ATP11C: variants seen among roughly 807,000 people sequenced by gnomAD.
ATP11C encodes phospholipid-transporting ATPase IG.
Under a neutral mutation model 97.4 loss-of-function variants are expected in ATP11C, and 36 were observed. The observed-to-expected ratio is 0.37, with a 90% confidence interval of 0.28 to 0.49. The LOEUF (loss-of-function observed/expected upper bound fraction) is 0.49. Ranked by LOEUF, ATP11C falls within the 20% of genes least tolerant of loss-of-function variation. The probability of loss-of-function intolerance (pLI) is 0.98; values close to 1 mark genes in which losing one functional copy is unlikely to be tolerated. For missense variants in ATP11C, 730 were observed against 824.6 expected, an observed-to-expected ratio of 0.89 and a Z score of 1.40; for synonymous variants, 275 against 290.9, an observed-to-expected ratio of 0.95 and a Z score of 0.56.
At chrX:139,852,575 G>A (rs1172014942) in intron 1 of ATP11C, among the ~76,000 whole-genome samples, 1 of 103,913 alleles carries the variant, frequency 9.6e-6, no homozygotes, top group African/African-American at 3.5e-5. Flanking sequence ...GAGCCGTAAA[G>A]TACTTCCTTG....
At chrX:139,839,997 C>A (rs2083804128) in intron 1 of ATP11C, among the ~76,000 whole-genome samples, 1 of 111,497 alleles carries the variant, frequency 9.0e-6, no homozygotes, top group Non-Finnish European at 1.9e-5. Context: ...ATAATTTTAT[C>A]ATTAACCCTT....
intron 1 of ATP11C, among the ~76,000 whole-genome samples, chrX:139,927,667 T>C (rs2085372952): frequency 9.1e-6 from 1 of 109,824 alleles, no homozygotes; most frequent in South Asian, 3.9e-4. Flanking sequence ...GCCGGGCTCA[T>C]GCAGATGGCA....
chrX:139,738,883 A>G (rs2081499437), intron 27 of ATP11C, among the ~76,000 whole-genome samples: 1 of 111,023 alleles, frequency 9.0e-6, no homozygotes, highest in African/African-American at 3.3e-5. Context: ...CCCTAGGATT[A>G]AAGAGCTCCA....
intron 19 of ATP11C, among the ~76,000 whole-genome samples, chrX:139,769,311 TATATATATATATATA>T (rs2082206231): frequency 2.6e-5 from 2 of 76,355 alleles, no homozygotes; most frequent in African/African-American, 5.3e-5. Context: ...TATATATATA[TATATATATATATATA>T]TTCTTTAAAT....
intron 1 of ATP11C, among the ~76,000 whole-genome samples, chrX:139,908,833 T>A (rs1218104501): frequency 8.9e-6 from 1 of 112,182 alleles, no homozygotes; most frequent in African/African-American, 3.2e-5. Context: ...CCTATTGGTA[T>A]GATGGACTAA....
At chrX:139,861,769 TAC>T (rs5904005) in intron 1 of ATP11C, among the ~76,000 whole-genome samples, 11,375 of 100,724 alleles carry the variant, frequency 0.11, 961 homozygotes, top group East Asian at 0.28. Flanking sequence ...AATCCTGTTA[TAC>T]ACACACACAC....
intron 12 of ATP11C, 80 bp downstream of exon 12, chrX:139,796,193 C>T (rs2082790563): frequency 1.3e-6 from 1 of 753,251 alleles, no homozygotes; most frequent in Non-Finnish European, 1.8e-6. Context: ...GACATGGTCA[C>T]ATATATTGGT....
chrX:139,774,128 G>T (rs1014553857), intron 19 of ATP11C, among the ~76,000 whole-genome samples: 15 of 111,790 alleles, frequency 1.3e-4, no homozygotes, highest in African/African-American at 4.9e-4. Context: ...TATATCTCTG[G>T]GCACTGAATT....
chrX:139,861,635 G>A (rs1199925309), intron 1 of ATP11C, among the ~76,000 whole-genome samples: 1 of 111,007 alleles, frequency 9.0e-6, no homozygotes, highest in Non-Finnish European at 1.9e-5. Flanking sequence ...TAGTTCAGGT[G>A]ACTAAAAAGG....
chrX:139,807,729 C>T (rs2083074852), intron 5 of ATP11C, among the ~76,000 whole-genome samples: 1 of 110,597 alleles, frequency 9.0e-6, no homozygotes, highest in African/African-American at 3.3e-5. Flanking sequence ...GTGGGAGGAC[C>T]GCATAAGGCC....
intron 1 of ATP11C, among the ~76,000 whole-genome samples, chrX:139,871,516 CTT>C (rs1206468631): frequency 2.2e-4 from 17 of 77,160 alleles, no homozygotes; most frequent in Admixed American, 3.1e-4. Flanking sequence ...GCCACCCCCG[CTT>C]TTTTTTTTTT....
chrX:139,807,765 C>T (rs999263954), intron 5 of ATP11C, among the ~76,000 whole-genome samples: 1 of 110,212 alleles, frequency 9.1e-6, no homozygotes, highest in Non-Finnish European at 1.9e-5. Flanking sequence ...GCCTCGGCAA[C>T]TTAACAGAAC....
chrX:139,927,982 A>C (rs2085378696), intron 1 of ATP11C, among the ~76,000 whole-genome samples: 1 of 111,801 alleles, frequency 8.9e-6, no homozygotes, highest in Non-Finnish European at 1.9e-5. Context: ...CCTACTAGGG[A>C]CCAGGCACTG....
intron 24 of ATP11C, among the ~76,000 whole-genome samples, chrX:139,748,257 T>C (rs2081735091): frequency 1.8e-5 from 2 of 110,931 alleles, no homozygotes; most frequent in Admixed American, 9.6e-5. Context: ...TGCCCATGTA[T>C]TACTGAAGGT....
At chrX:139,850,431 AAAT>A (rs1207061119) in intron 1 of ATP11C, among the ~76,000 whole-genome samples, 4 of 111,861 alleles carry the variant, frequency 3.6e-5, no homozygotes, top group African/African-American at 1.3e-4. Context: ...ATGAAGTGGC[AAAT>A]AATGTGGCTG....
At chrX:139,810,324 G>A (rs778929665) in intron 5 of ATP11C, among the ~76,000 whole-genome samples, 5 of 111,118 alleles carry the variant, frequency 4.5e-5, no homozygotes, top group South Asian at 3.9e-4. Context: ...GCATGGTGGC[G>A]CATGCCTGTA....
chrX:139,753,030 C>A (rs1319757578), intron 23 of ATP11C, among the ~76,000 whole-genome samples: 1 of 111,500 alleles, frequency 9.0e-6, no homozygotes, highest in East Asian at 2.8e-4. Context: ...AAAGAGACTT[C>A]AACACCCTAC....
At chrX:139,755,763 T>C (rs1380157869) in intron 23 of ATP11C, among the ~76,000 whole-genome samples, 1 of 111,854 alleles carries the variant, frequency 8.9e-6, no homozygotes, top group East Asian at 2.8e-4. Context: ...TAGGATAACT[T>C]GCTAGCCACA....
At chrX:139,752,099 T>C (rs2081831381) in intron 23 of ATP11C, among the ~76,000 whole-genome samples, 1 of 111,698 alleles carries the variant, frequency 9.0e-6, no homozygotes, top group South Asian at 3.8e-4. Flanking sequence ...ACTTTTCCTT[T>C]AAGATGTCGA....
Sources: allele counts gnomAD v4.1 joint callset (sites outside exome capture counted in the v4.1 genomes callset), GRCh38; gene constraint gnomAD v4.1.1; transcripts MANE v1.5; gene names NCBI Gene and HGNC (gene_info 2026-07-23, HGNC 2026-07-21).